Variants in DLGAP2 observed in about 807,000 individuals in gnomAD.
DLGAP2 encodes disks large-associated protein 2.
A neutral mutation model predicts 100.3 loss-of-function variants in DLGAP2; 26 were observed. The observed-to-expected ratio is 0.26, with a 90% CI of 0.19 to 0.36. DLGAP2 has a LOEUF of 0.36. DLGAP2 is among the 10% of genes least tolerant of loss of function. The pLI is 1.00. For synonymous variants in DLGAP2, 886 were observed against 630.1 expected (o/e 1.41, Z -6.08); for missense variants, 1,858 against 1,453.2 (o/e 1.28, Z -4.53).
chr8:1,132,832 A>G (rs60078135), intron 2 of DLGAP2, among the ~76,000 whole-genome samples: 14,470 of 152,286 alleles, frequency 0.095, 882 homozygotes, highest in East Asian at 0.2. Flanking sequence ...GCTGGGGCTC[A>G]TGGATCATAG....
chr8:1,513,292 C>T (rs1326094587), intron 4 of DLGAP2, among the ~76,000 whole-genome samples: 4 of 145,312 alleles, frequency 2.8e-5, no homozygotes, highest in South Asian at 2.3e-4. Flanking sequence ...GTGGGATAAG[C>T]GTCTGCCTTT....
At chr8:1,488,134 G>A (rs116051762) in intron 3 of DLGAP2, among the ~76,000 whole-genome samples, 2,031 of 152,264 alleles carry the variant, frequency 0.013, 46 homozygotes, top group African/African-American at 0.044. Flanking sequence ...CAGAGCCTCC[G>A]TTGAACAGCC....
rs150177601 is a variant in DLGAP2 at position 1,070,437 on chromosome 8, C to T, written c.73+162471C>T. Reference sequence around the variant, plus strand: ...TTTCACAAACAGTTTTAGAAATGCTCTTGCTTCTGCCATTTATAACATCAA... The same window carrying T: ...TTTCACAAACAGTTTTAGAAATGCTTTTGCTTCTGCCATTTATAACATCAA... On this transcript the variant is annotated intron_variant, in intron 2 of 14. Transcript: ENST00000637795. Among the ~76,000 whole-genome samples the T allele has an allele frequency of 2.6e-4, 40 of 152,268 alleles. No homozygotes were observed. In the East Asian group the frequency reaches 5.8e-3, roughly 22 times the overall value.
rs556793351 is a variant in DLGAP2, at chr8:768,100, C to G, written c.18+30275C>G. On this transcript the variant is annotated intron_variant, in intron 1 of 14. Transcript: ENST00000637795. The stretch of plus-strand genomic sequence containing the variant: ...TTCCCGTGGGCTTTGGGAGTGTAAT[C>G]AGAGGACAGGGAGATACAGGTCCCC... Among the ~76,000 whole-genome samples, 19 of 152,232 alleles carry G rather than the reference C, an allele frequency of 1.2e-4. No homozygotes were observed. In the South Asian group the frequency reaches 3.5e-3, roughly 28 times the overall value.
intron 5 of DLGAP2, among the ~76,000 whole-genome samples, chr8:1,558,864 CACA>C: frequency 1.5e-5 from 1 of 65,480 alleles, no homozygotes; most frequent in Non-Finnish European, 4.4e-5. Context: ...CACACACATA[CACA>C]TATACGTACT....
At chr8:1,161,724 AG>A (rs1418740164) in intron 2 of DLGAP2, among the ~76,000 whole-genome samples, 1 of 152,200 alleles carries the variant, frequency 6.6e-6, no homozygotes, top group Non-Finnish European at 1.5e-5. Flanking sequence ...CGTATGGTCC[AG>A]CCCCGTGGAG....
intron 5 of DLGAP2, among the ~76,000 whole-genome samples, chr8:1,564,699 A>G (rs1337852189): frequency 2.6e-5 from 4 of 152,180 alleles, no homozygotes; most frequent in African/African-American, 9.7e-5. Flanking sequence ...TCTATACCAC[A>G]CAGATATATA....
At chr8:1,463,076 C>G (rs1347497807) in intron 3 of DLGAP2, among the ~76,000 whole-genome samples, 1 of 152,084 alleles carries the variant, frequency 6.6e-6, no homozygotes, top group Non-Finnish European at 1.5e-5. Context: ...TGGTGAGCCC[C>G]CATCTCTACT....
intron 3 of DLGAP2, among the ~76,000 whole-genome samples, chr8:1,285,388 TA>T (rs1799901230): frequency 6.6e-6 from 1 of 152,232 alleles, no homozygotes; most frequent in Non-Finnish European, 1.5e-5. Context: ...AAAAAGACAC[TA>T]ACAAATGAAA....
rs57646860 is a variant in DLGAP2, at chr8:1,258,949, A to G, written c.106+66A>G. 7.5e-3 allele frequency: 9,012 copies of G among 1,193,820 alleles called. 314 individuals carry two copies. In the African/African-American group the frequency reaches 0.088, roughly 12 times the overall value. The allele number at this position is 1,193,820 out of a possible 1,614,324, so 74.0% of individuals were successfully genotyped here. On this transcript the variant is annotated intron_variant, in intron 3 of 14. Coordinates refer to ENST00000637795, the MANE Select transcript of DLGAP2 (RefSeq NM_001346810.2). ...GCGGCTCACAGGTGTGTGGCTGGCA[A>G]CAGTCTACCATGAAACGTGTTGGAG...
chr8:763,794 T>A (rs1042298276), intron 1 of DLGAP2, among the ~76,000 whole-genome samples: 2 of 151,964 alleles, frequency 1.3e-5, no homozygotes, highest in South Asian at 2.1e-4. Flanking sequence ...TGGTAGAATT[T>A]AAAAAAAATG....
chr8:1,081,099 A>G (rs1045080699), intron 2 of DLGAP2, among the ~76,000 whole-genome samples: 1 of 152,152 alleles, frequency 6.6e-6, no homozygotes, highest in African/African-American at 2.4e-5. Flanking sequence ...AATTTGTTCC[A>G]TCATTTTTTA....
chr8:1,564,213 A>G (rs1039558533), intron 5 of DLGAP2, among the ~76,000 whole-genome samples: 1 of 152,194 alleles, frequency 6.6e-6, no homozygotes, highest in South Asian at 2.1e-4. Context: ...TTCAAAGCTA[A>G]TGAACCGTGG....
At chr8:1,034,587 C>T (rs1450677028) in intron 2 of DLGAP2, among the ~76,000 whole-genome samples, 3 of 85,564 alleles carry the variant, frequency 3.5e-5, no homozygotes, top group Non-Finnish European at 6.9e-5. Flanking sequence ...CCCCGCGTGT[C>T]ACCGCGAGTG....
At chr8:1,023,853 A>ATGTGTGTGTGTGTGTGTGTG (rs1325437123) in intron 2 of DLGAP2, among the ~76,000 whole-genome samples, 1 of 64,432 alleles carries the variant, frequency 1.6e-5, no homozygotes, top group Non-Finnish European at 3.7e-5. Flanking sequence ...CTCAAACTTT[A>ATGTGTGTGTGTGTGTGTGTG]TATATGTGTG....
At chr8:1,028,166 C>T (rs1202326488) in intron 2 of DLGAP2, among the ~76,000 whole-genome samples, 3 of 134,070 alleles carry the variant, frequency 2.2e-5, no homozygotes, top group South Asian at 2.5e-4. Flanking sequence ...GGGTACCAGG[C>T]GCCCGTTATT....
At chr8:770,005 T>G (rs1821316852) in intron 1 of DLGAP2, among the ~76,000 whole-genome samples, 1 of 152,134 alleles carries the variant, frequency 6.6e-6, no homozygotes, top group South Asian at 2.1e-4. Flanking sequence ...TATGAAACAT[T>G]GAGGGAGAGA....
rs561801800 is a variant in DLGAP2, at chr8:757,893, T to C, written c.18+20068T>C. 2.0e-5 allele frequency among the ~76,000 whole-genome samples: 3 copies of C among 152,310 alleles called. No individual in the cohort carries two copies. In the East Asian group the frequency reaches 5.8e-4, roughly 29 times the overall value. On this transcript the variant is annotated intron_variant, in intron 1 of 14. Coordinates refer to ENST00000637795, the MANE Select transcript of DLGAP2 (RefSeq NM_001346810.2). ...TGTAGCAGGCATTCCCAAATGCGTCTTGTCTCCTCGTTTCCCACCTCTGCG... is the reference window on the plus strand; with the variant it reads ...TGTAGCAGGCATTCCCAAATGCGTCCTGTCTCCTCGTTTCCCACCTCTGCG...
intron 2 of DLGAP2, among the ~76,000 whole-genome samples, chr8:984,222 T>C (rs1800423259): frequency 6.6e-6 from 1 of 152,202 alleles, no homozygotes; most frequent in Non-Finnish European, 1.5e-5. Flanking sequence ...CACCTGACCT[T>C]GGGCACAGCA....
Sources: gnomAD v4.1 joint callset for allele counts (sites outside exome capture counted in the v4.1 genomes callset) on GRCh38, gnomAD v4.1.1 for gene constraint, MANE v1.5 for transcripts, NCBI Gene and HGNC (gene_info 2026-07-23, HGNC 2026-07-21) for gene names.